Variants in PTTG1IP2 observed in about 807,000 individuals in gnomAD.
PTTG1IP2 encodes PTTG1IP family member 2.
At chr7:90,481,523 A>G (rs1797815178) in intron 2 of PTTG1IP2, among the ~76,000 whole-genome samples, 1 of 152,136 alleles carries the variant, frequency 6.6e-6, no homozygotes, top group African/African-American at 2.4e-5. Flanking sequence ...TCCCCATCCC[A>G]TCAATATCAA....
chr7:90,475,358 G>A (rs1268397847), intron 1 of PTTG1IP2, among the ~76,000 whole-genome samples: 3 of 152,206 alleles, frequency 2.0e-5, no homozygotes, highest in African/African-American at 7.2e-5. Context: ...GATGCTCAGG[G>A]TCTAGGATGT....
chr7:90,478,875 A>G (rs1234632372), intron 1 of PTTG1IP2, among the ~76,000 whole-genome samples: 2 of 151,928 alleles, frequency 1.3e-5, no homozygotes. Flanking sequence ...GTTAAGTAAG[A>G]ATATCTTGGC....
chr7:90,472,305 CACACACACACACACA>C (rs775426930), intron 1 of PTTG1IP2, among the ~76,000 whole-genome samples: 23 of 149,436 alleles, frequency 1.5e-4, no homozygotes, highest in Admixed American at 5.9e-4. Context: ...CACACACACA[CACACACACACACACA>C]CCCCAAATAA....
intron 6 of PTTG1IP2, among the ~76,000 whole-genome samples, chr7:90,506,963 T>G (rs1798131066): frequency 6.6e-6 from 1 of 152,200 alleles, no homozygotes; most frequent in Admixed American, 6.5e-5. Flanking sequence ...AACTTAATGG[T>G]CTGGTGAAAT....
intron 6 of PTTG1IP2, among the ~76,000 whole-genome samples, chr7:90,505,755 C>CAA (rs1798116113): frequency 6.6e-6 from 1 of 151,582 alleles, no homozygotes; most frequent in Admixed American, 6.6e-5. Flanking sequence ...GAGGCCGAGG[C>CAA]GGGTGGATCA....
intron 6 of PTTG1IP2, among the ~76,000 whole-genome samples, chr7:90,497,559 G>A (rs1294888027): frequency 1.4e-4 from 15 of 106,812 alleles, no homozygotes; most frequent in South Asian, 6.8e-4. Context: ...GCGAGAATCC[G>A]TCTCAAAAAA....
rs1415270478 is a variant in PTTG1IP2, at chr7:90,497,744, A to G, written c.*50+3314A>G. ...AAAAAAAAAAAAAAAAAAAAAAAAAAGAAGAAGAAGAAGAAGAAGCCGAAG... is the reference window on the plus strand; with the variant it reads ...AAAAAAAAAAAAAAAAAAAAAAAAAGGAAGAAGAAGAAGAAGAAGCCGAAG... On this transcript the variant is annotated intron_variant, in intron 6 of 6. Transcript: ENST00000509356. Among the ~76,000 whole-genome samples the G allele has an allele frequency of 1.1e-3, 144 of 132,448 alleles. 1 individual carries two copies. Among genetic ancestry groups the G allele is most frequent in the African/African-American group, 4.5e-3 (139 of 30,924 alleles). The allele number at this position is 132,448 out of a possible 152,430, so 86.9% of individuals were successfully genotyped here. A position where few individuals can be genotyped will look rare whatever the true frequency, so the allele number is the denominator to read the frequency against.
chr7:90,497,282 A>G (rs1248295181), intron 6 of PTTG1IP2, among the ~76,000 whole-genome samples: 1 of 152,106 alleles, frequency 6.6e-6, no homozygotes, highest in Non-Finnish European at 1.5e-5. Context: ...AGAAAAGTTA[A>G]GGCCGGGCGC....
chr7:90,497,520 CG>C (rs1210035261), intron 6 of PTTG1IP2, among the ~76,000 whole-genome samples: 1 of 144,532 alleles, frequency 6.9e-6, no homozygotes, highest in Admixed American at 7.0e-5. Flanking sequence ...ACCGAGATCG[CG>C]CCACTGCACT....
rs1798079947 is a variant in PTTG1IP2 at position 90,503,127 on chromosome 7, C to CT, written c.*50+8703dup. Among the ~76,000 whole-genome samples, 2 of 152,196 alleles carry CT rather than the reference C, an allele frequency of 1.3e-5. 1 individual carries two copies. The highest frequency in any genetic ancestry group is 3.9e-4 in the East Asian group (2 of 5,192). ...TTAGCACCTGCTGCTTCGCCTTGCACTTTTTTATTATGGAGATGGCTTCTT... is the reference window on the plus strand; with the variant it reads ...TTAGCACCTGCTGCTTCGCCTTGCACTTTTTTTATTATGGAGATGGCTTCTT... On this transcript the variant is annotated intron_variant, in intron 6 of 6. Coordinates refer to ENST00000509356, the MANE Select transcript of PTTG1IP2 (RefSeq NM_001365443.2).
intron 1 of PTTG1IP2, among the ~76,000 whole-genome samples, chr7:90,473,044 C>T (rs989953198): frequency 6.6e-6 from 1 of 152,170 alleles, no homozygotes; most frequent in Non-Finnish European, 1.5e-5. Flanking sequence ...CTAGAGTTTA[C>T]TCTGAATCCA....
chr7:90,487,366 T>G lies in PTTG1IP2; in HGVS notation c.232T>G (p.Cys78Gly), dbSNP rs1183530896. 6.6e-6 allele frequency: 1 copy of G among 152,646 alleles called. No homozygotes were observed. Among genetic ancestry groups the G allele is most frequent in the South Asian group, 2.1e-4 (1 of 4,834 alleles). The allele number at this position is 152,646 out of a possible 1,614,324, so 9.5% of individuals were successfully genotyped here. ...TGAAGAAAAAGCATGCAAAAAATAC[T>G]GTTTTCCCTATTTCGGTTGTCGATT... ...CSEEKACKKY[C>G]FPYFGCRFSS... The change falls in exon 3 of 7, where the codon TGT (cysteine) becomes GGT (glycine). Residue 78 changes from cysteine (C) to glycine (G), a missense_variant. Transcript: ENST00000509356.
At chr7:90,511,688 A>G (rs567687523) in intron 6 of PTTG1IP2, among the ~76,000 whole-genome samples, 1 of 152,260 alleles carries the variant, frequency 6.6e-6, no homozygotes, top group Non-Finnish European at 1.5e-5. Flanking sequence ...AGCTCGCTTT[A>G]CTTTTCCCTC....
At chr7:90,503,307 C>A (rs1037878431) in intron 6 of PTTG1IP2, among the ~76,000 whole-genome samples, 8 of 152,160 alleles carry the variant, frequency 5.3e-5, no homozygotes, top group African/African-American at 1.9e-4. Flanking sequence ...GATCTCCCAT[C>A]CAGACTACTA....
intron 1 of PTTG1IP2, among the ~76,000 whole-genome samples, chr7:90,472,226 T>C (rs1797696933): frequency 6.6e-6 from 1 of 151,726 alleles, no homozygotes. Flanking sequence ...AGAGCAACTA[T>C]GTAAACCCTG....
chr7:90,470,880 T>C (rs177668), intron 1 of PTTG1IP2, among the ~76,000 whole-genome samples: 84,107 of 150,552 alleles, frequency 0.56, 24,752 homozygotes, highest in East Asian at 0.91. Flanking sequence ...TAAAAACAAA[T>C]TCTTCCTTTT....
At chr7:90,491,484 G>A (rs796751796) in intron 4 of PTTG1IP2, among the ~76,000 whole-genome samples, 45 of 151,822 alleles carry the variant, frequency 3.0e-4, no homozygotes, top group African/African-American at 1.0e-3. Context: ...TTAGCTGGGC[G>A]TGGTGGCACG....
At chr7:90,476,413 A>G (rs1797748034) in intron 1 of PTTG1IP2, among the ~76,000 whole-genome samples, 1 of 152,180 alleles carries the variant, frequency 6.6e-6, no homozygotes, top group Admixed American at 6.5e-5. Flanking sequence ...GAGAAGAGTA[A>G]AAACATATTA....
At chr7:90,500,146 C>T (rs1167450396) in intron 6 of PTTG1IP2, among the ~76,000 whole-genome samples, 3 of 152,010 alleles carry the variant, frequency 2.0e-5, no homozygotes, top group South Asian at 4.2e-4. Flanking sequence ...CTGGGGAGGT[C>T]GAGGCTGTGG....
Sources: allele counts gnomAD v4.1 joint callset (sites outside exome capture counted in the v4.1 genomes callset), GRCh38; gene constraint gnomAD v4.1.1; transcripts MANE v1.5; gene names NCBI Gene and HGNC (gene_info 2026-07-23, HGNC 2026-07-21).